SHLD3: variants seen among roughly 807,000 people sequenced by gnomAD.
The protein encoded by SHLD3 is shieldin complex subunit 3.
SHLD3 carries 15 observed loss-of-function variants against 21.4 expected under a neutral mutation model. The observed-to-expected ratio is 0.70, with a 90% CI of 0.47 to 1.08. The LOEUF (loss-of-function observed/expected upper bound fraction) is 1.08, where lower values mean the gene tolerates loss of function less well. SHLD3 is among the 50% of genes least tolerant of loss of function. The pLI, the probability that SHLD3 is intolerant of heterozygous loss-of-function variation, is 0.00. For missense variants in SHLD3, 273 were observed against 286.1 expected (o/e 0.95, Z 0.33); for synonymous variants, 103 against 97.2 (o/e 1.06, Z -0.35).
Position 65,630,824 on chromosome 5 carries a change from C to A in SHLD3, c.*484C>A, listed in dbSNP as rs1395477966. The A allele has an allele frequency of 1.6e-5, 5 of 319,374 alleles. No individual in the cohort carries two copies. Among genetic ancestry groups the A allele is most frequent in the Non-Finnish European group, 2.3e-5 (5 of 220,774 alleles). The allele number at this position is 319,374 out of a possible 1,614,324, so 19.8% of individuals were successfully genotyped here. On this transcript the variant is annotated 3_prime_UTR_variant, in exon 2 of 2. Coordinates refer to ENST00000510585, the MANE Select transcript of SHLD3 (RefSeq NM_001365341.2). ...GATAGGCTGTTTTCAAACAACGATA[C>A]AAAATGTATACTTTGCCTAAAACGA...
chr5:65,630,208 T>G lies in SHLD3; in HGVS notation c.621T>G (p.His207Gln). Residue 207 changes from histidine (H) to glutamine (Q), a missense_variant, in exon 2 of 2, where the codon CAT (histidine) becomes CAG (glutamine). Coordinates refer to ENST00000510585, the MANE Select transcript of SHLD3 (RefSeq NM_001365341.2). ...CTTGTAATGCTACAATTCAGAGGCA[T>G]TTAGGCCAAATATGGGTGTTCTGTG... Reference protein sequence around the residue: ...LPSCNATIQRHLGQIWVFCDI... With the variant: ...LPSCNATIQRQLGQIWVFCDI... The G allele has an allele frequency of 1.3e-6, 2 of 1,535,978 alleles. No individual in the cohort carries two copies. The highest frequency in any genetic ancestry group is 1.7e-6 in the Non-Finnish European group (2 of 1,146,830).
In SHLD3 at chr5:65,629,606, T is replaced by C. The variant is rs781270469; in HGVS notation, c.19T>C (p.Leu7=). 2.6e-6 allele frequency: 4 copies of C among 1,533,324 alleles called. No homozygotes were observed. The highest frequency in any genetic ancestry group is 2.4e-5 in the East Asian group (1 of 40,888). The allele number at this position is 1,533,324 out of a possible 1,614,324, so 95.0% of individuals were successfully genotyped here. A position where few individuals can be genotyped will look rare whatever the true frequency, so the allele number is the denominator to read the frequency against. Residue 7 remains leucine (L), a synonymous_variant, in exon 2 of 2, where the codon TTA becomes CTA. Transcript: ENST00000510585. ...CTGCAGAATGACTACAGAAGTAATA[T>C]TACATTATCGACCATGTGAGAGTGA... is the stretch of plus-strand genomic sequence containing the variant. MTTEVI[L]HYRPCESDPT...
At chr5:65,625,486 C>T (rs1755170637) in intron 1 of SHLD3, 1 of 236,132 alleles carries the variant, frequency 4.2e-6, no homozygotes, top group Non-Finnish European at 8.3e-6. Flanking sequence ...GCTTCAGCTT[C>T]CCCTGTAAAA....
In SHLD3 at chr5:65,630,492, A is replaced by C; in HGVS notation, c.*152A>C. 7.4e-7 allele frequency: 1 copy of C among 1,351,042 alleles called. No homozygotes were observed. The highest frequency in any genetic ancestry group is 9.5e-7 in the Non-Finnish European group (1 of 1,057,044). 83.7% of individuals were successfully genotyped at this position (1,351,042 alleles called of 1,614,324 possible). A position where few individuals can be genotyped will look rare whatever the true frequency, so the allele number is the denominator to read the frequency against. On this transcript the variant is annotated 3_prime_UTR_variant, in exon 2 of 2. Transcript: ENST00000510585. ...GTCAAGAAATTGCTGAGTTCTGCTT[A>C]TTGGCAGCCTTCTTTTAAATGTGAT...
At chr5:65,625,292 A>G (rs765168802) in intron 1 of SHLD3, 186 bp downstream of exon 1, 2 of 597,546 alleles carry the variant, frequency 3.3e-6, no homozygotes, top group Non-Finnish European at 3.0e-6. Flanking sequence ...GCCCCTTTCT[A>G]GAACGAAATA....
intron 1 of SHLD3, chr5:65,626,310 A>G (rs1409491494): frequency 6.6e-6 from 1 of 152,216 alleles, no homozygotes; most frequent in African/African-American, 2.4e-5. Flanking sequence ...CTCTCTTTCC[A>G]AGAGTCCGTG....
At position 65,630,752 on chromosome 5, in the gene SHLD3, C is replaced by T. The variant is rs1413724933; in HGVS notation, c.*412C>T. On this transcript the variant is annotated 3_prime_UTR_variant, in exon 2 of 2. Coordinates refer to ENST00000510585, the MANE Select transcript of SHLD3 (RefSeq NM_001365341.2). The stretch of plus-strand genomic sequence containing the variant: ...CATGAATGTAGTTCAAAGTGGGAGA[C>T]TAGTCTAGATTTATAATGATGTTTC... 6 of 818,358 alleles carry T rather than the reference C, an allele frequency of 7.3e-6. No individual in the cohort carries two copies. In the African/African-American group the frequency reaches 7.4e-5, roughly 10 times the overall value. The allele number at this position is 818,358 out of a possible 1,614,324, so 50.7% of individuals were successfully genotyped here. A position where few individuals can be genotyped will look rare whatever the true frequency, so the allele number is the denominator to read the frequency against.
intron 1 of SHLD3, among the ~76,000 whole-genome samples, chr5:65,628,637 A>G (rs183306198): frequency 1.9e-3 from 281 of 151,704 alleles, no homozygotes; most frequent in Non-Finnish European, 3.1e-3. Context: ...ACAGCCGGCT[A>G]TTTTTTGTAT....
chr5:65,626,698 T>C (rs1755249027), intron 1 of SHLD3, among the ~76,000 whole-genome samples: 1 of 151,968 alleles, frequency 6.6e-6, no homozygotes, highest in Admixed American at 6.5e-5. Flanking sequence ...ATCACGCCAC[T>C]GCACGCCATC....
intron 1 of SHLD3, among the ~76,000 whole-genome samples, chr5:65,628,104 C>T (rs1270662726): frequency 6.6e-6 from 1 of 152,176 alleles, no homozygotes; most frequent in African/African-American, 2.4e-5. Context: ...ATTAGCAAGC[C>T]TAACTTGCAG....
rs60169195 is a variant in SHLD3, at chr5:65,627,131, C to CAAAAAAAAAAAAAA, written c.-121+2038_-121+2051dup. 9.3e-3 allele frequency among the ~76,000 whole-genome samples: 303 copies of CAAAAAAAAAAAAAA among 32,562 alleles called. 45 individuals are homozygous for CAAAAAAAAAAAAAA. The highest frequency in any genetic ancestry group is 0.015 in the Non-Finnish European group (226 of 15,512). 21.4% of individuals were successfully genotyped at this position (32,562 alleles called of 152,430 possible). A position where few individuals can be genotyped will look rare whatever the true frequency, so the allele number is the denominator to read the frequency against. On this transcript the variant is annotated intron_variant, in intron 1 of 1. Transcript: ENST00000510585. ...TGGGTGACAGAGTGAGACCCTGTCTCAAAAAAAAAAAAAAAAAAAAAAAAA... is the reference window on the plus strand; with the variant it reads ...TGGGTGACAGAGTGAGACCCTGTCTCAAAAAAAAAAAAAAAAAAAAAAAAAAAAAAAAAAAAAAA...
chr5:65,629,778 C>G lies in SHLD3; in HGVS notation c.191C>G (p.Ala64Gly). The G allele has an allele frequency of 6.5e-7, 1 of 1,536,074 alleles. No homozygotes were observed. Among genetic ancestry groups the G allele is most frequent in the South Asian group, 1.2e-5 (1 of 84,050 alleles). The change falls in exon 2 of 2, where the codon GCA (alanine) becomes GGA (glycine). Residue 64 changes from alanine (A) to glycine (G), a missense_variant. By Grantham distance (60) the Ala-to-Gly change is moderately conservative (BLOSUM62 0). Transcript: ENST00000510585. ...KRSPPVISEE[A>G]AEDVKQYLTI... ...TCACCACCTGTGATTTCTGAAGAGGCAGCTGAAGATGTGAAACAGTACTTA... is the reference window on the plus strand; with the variant it reads ...TCACCACCTGTGATTTCTGAAGAGGGAGCTGAAGATGTGAAACAGTACTTA...
chr5:65,629,821 T>G lies in SHLD3; in HGVS notation c.234T>G (p.Asp78Glu). 1 of 1,536,064 alleles carries G rather than the reference T, an allele frequency of 6.5e-7. No homozygotes were observed. The highest frequency in any genetic ancestry group is 2.4e-5 in the East Asian group (1 of 40,900). The change falls in exon 2 of 2, where the codon GAT becomes GAG. Residue 78 changes from aspartate to glutamate, a missense_variant. Coordinates refer to ENST00000510585, the MANE Select transcript of SHLD3 (RefSeq NM_001365341.2). Reference protein sequence around the residue: ...VKQYLTISEHDAKSHSYDCTV... With the variant: ...VKQYLTISEHEAKSHSYDCTV... The stretch of plus-strand genomic sequence containing the variant: ...AGTACTTAACCATTTCAGAACATGA[T>G]GCTAAGTCACACAGTTATGATTGCA...
intron 1 of SHLD3, among the ~76,000 whole-genome samples, chr5:65,628,948 G>A (rs1353703735): frequency 6.6e-6 from 1 of 151,612 alleles, no homozygotes; most frequent in Non-Finnish European, 1.5e-5. Flanking sequence ...TTCCCTAGTA[G>A]CTGGGACTAC....
Position 65,630,783 on chromosome 5 carries a change from A to T in SHLD3, c.*443A>T. 1.6e-6 allele frequency: 1 copy of T among 635,002 alleles called. No individual in the cohort carries two copies. The highest frequency in any genetic ancestry group is 2.0e-6 in the Non-Finnish European group (1 of 509,064). 39.3% of individuals were successfully genotyped at this position (635,002 alleles called of 1,614,324 possible). ...TAGATTTATAATGATGTTTCCAAAG[A>T]TATGTAATAACAATTGATAGGCTGT... On this transcript the variant is annotated 3_prime_UTR_variant, in exon 2 of 2. Transcript: ENST00000510585.
intron 1 of SHLD3, among the ~76,000 whole-genome samples, chr5:65,627,498 T>C (rs1224060160): frequency 6.6e-6 from 1 of 151,992 alleles, no homozygotes; most frequent in Non-Finnish European, 1.5e-5. Context: ...GGCGTGATGG[T>C]GTGCACCAGT....
At chr5:65,627,489 G>T (rs950695244) in intron 1 of SHLD3, among the ~76,000 whole-genome samples, 2 of 152,046 alleles carry the variant, frequency 1.3e-5, no homozygotes, top group African/African-American at 4.8e-5. Context: ...AATTAGCCAG[G>T]CGTGATGGTG....
At chr5:65,625,546 C>T (rs1755175520) in intron 1 of SHLD3, 1 of 162,288 alleles carries the variant, frequency 6.2e-6, no homozygotes, top group Non-Finnish European at 1.3e-5. Context: ...CATAGTAATA[C>T]AACATATAAC....
chr5:65,628,434 A>G (rs999148577), intron 1 of SHLD3, among the ~76,000 whole-genome samples: 1 of 151,370 alleles, frequency 6.6e-6, no homozygotes, highest in Non-Finnish European at 1.5e-5. Flanking sequence ...TATTCTATCT[A>G]TATATTTGTT....
Sources: gnomAD v4.1 joint callset for allele counts (sites outside exome capture counted in the v4.1 genomes callset) on GRCh38, gnomAD v4.1.1 for gene constraint, MANE v1.5 for transcripts, NCBI Gene and HGNC (gene_info 2026-07-23, HGNC 2026-07-21) for gene names.